RBMS3: variants seen among roughly 807,000 people sequenced by gnomAD.
RBMS3 encodes the protein RNA-binding motif, single-stranded-interacting protein 3.
A neutral mutation model predicts 66.8 loss-of-function variants in RBMS3; 27 were observed. The ratio of observed to expected loss-of-function variants is 0.40; its 90% confidence interval spans 0.30 to 0.56. The LOEUF (loss-of-function observed/expected upper bound fraction) is 0.56, where lower values mean the gene tolerates loss of function less well. RBMS3 is among the 20% of genes least tolerant of loss of function. RBMS3 has a pLI of 0.40. For synonymous variants in RBMS3, 188 were observed against 183.0 expected (o/e 1.03, Z -0.22); for missense variants, 513 against 549.5 (o/e 0.93, Z 0.66).
intron 6 of RBMS3, among the ~76,000 whole-genome samples, chr3:29,763,797 A>C (rs1425106397): frequency 6.6e-6 from 1 of 152,074 alleles, no homozygotes; most frequent in African/African-American, 2.4e-5. Flanking sequence ...AAAATTAACA[A>C]TGGAATGAAG....
chr3:29,542,379 GAGAA>G (rs2045797371), intron 3 of RBMS3, among the ~76,000 whole-genome samples: 1 of 151,346 alleles, frequency 6.6e-6, no homozygotes, highest in African/African-American at 2.4e-5. Context: ...TTGTTTGTTT[GAGAA>G]AGAGTCTCAC....
At chr3:29,702,326 T>C (rs561053515) in intron 4 of RBMS3, among the ~76,000 whole-genome samples, 3 of 152,124 alleles carry the variant, frequency 2.0e-5, no homozygotes, top group Admixed American at 2.0e-4. Flanking sequence ...AGCTCAGGGA[T>C]TGTAAACACA....
chr3:29,519,617 G>T (rs1468001242), intron 3 of RBMS3, among the ~76,000 whole-genome samples: 1 of 152,096 alleles, frequency 6.6e-6, no homozygotes, highest in Non-Finnish European at 1.5e-5. Context: ...CAGTTCTTTT[G>T]CTGTTTGGTT....
chr3:29,830,100 T>A (rs2058330805), intron 6 of RBMS3, among the ~76,000 whole-genome samples: 1 of 152,124 alleles, frequency 6.6e-6, no homozygotes, highest in Non-Finnish European at 1.5e-5. Context: ...TATATACTTA[T>A]CAGCTAATTA....
rs151230204 is a variant in RBMS3 at position 29,480,161 on chromosome 3, A to G, written c.249-8280A>G. 2.2e-3 allele frequency among the ~76,000 whole-genome samples: 333 copies of G among 152,344 alleles called. 3 individuals carry two copies. The highest frequency in any genetic ancestry group is 7.8e-3 in the African/African-American group (324 of 41,578). On this transcript the variant is annotated intron_variant, in intron 2 of 14. Transcript: ENST00000383767. ...AGGAAATTTTGAGAGTGAAACACAA[A>G]GAAATGGGAATTCAAAGCATGATAA...
intron 4 of RBMS3, among the ~76,000 whole-genome samples, chr3:29,724,489 G>A (rs930684396): frequency 2.0e-5 from 3 of 152,082 alleles, no homozygotes; most frequent in African/African-American, 7.2e-5. Flanking sequence ...AATTTGCTGA[G>A]AAGTGTTAAT....
intron 3 of RBMS3, among the ~76,000 whole-genome samples, chr3:29,544,390 T>C (rs2045872360): frequency 1.2e-5 from 1 of 84,516 alleles, no homozygotes; most frequent in Non-Finnish European, 2.0e-5. Context: ...TACAAATTTG[T>C]TTTTTTTTAG....
chr3:29,911,798 C>A (rs752196290), intron 10 of RBMS3, among the ~76,000 whole-genome samples: 1 of 151,932 alleles, frequency 6.6e-6, no homozygotes, highest in Non-Finnish European at 1.5e-5. Flanking sequence ...ACATGAGTTT[C>A]TTTTTTCTAT....
In RBMS3 at chr3:29,831,805, T is replaced by G. The variant is rs188137167; in HGVS notation, c.638-37053T>G. Among the ~76,000 whole-genome samples, 45 of 152,228 alleles carry G rather than the reference T, an allele frequency of 3.0e-4. No homozygotes were observed. The East Asian group carries it at 8.1e-3, about 27-fold the overall frequency. On this transcript the variant is annotated intron_variant, in intron 6 of 14. Coordinates refer to ENST00000383767, the MANE Select transcript of RBMS3 (RefSeq NM_001003793.3). ...TTCTAAGATTTTAAGTTCTATAGGA[T>G]TTGTTAATAGTGTTAACACATTTTT...
rs75080881 is a variant in RBMS3, at chr3:29,486,325, T to C, written c.249-2116T>C. 5.9e-3 allele frequency among the ~76,000 whole-genome samples: 902 copies of C among 152,298 alleles called. 4 individuals are homozygous for C. The highest frequency in any genetic ancestry group is 0.014 in the Admixed American group (207 of 15,296). ...CAAATTAATTGTTAATGCAGAATGT[T>C]GTAACGGAGCCATGGAATGAAATTC... On this transcript the variant is annotated intron_variant, in intron 2 of 14. Transcript: ENST00000383767.
chr3:29,967,288 C>T (rs150670377), intron 12 of RBMS3, among the ~76,000 whole-genome samples: 7 of 152,194 alleles, frequency 4.6e-5, no homozygotes, highest in African/African-American at 1.7e-4. Flanking sequence ...CTTTGAATGT[C>T]TAGTAGAAAT....
intron 4 of RBMS3, among the ~76,000 whole-genome samples, chr3:29,721,771 T>C (rs1202432753): frequency 6.6e-6 from 1 of 152,190 alleles, no homozygotes; most frequent in Non-Finnish European, 1.5e-5. Context: ...AGCATGGGGA[T>C]AGTAGAAGAG....
chr3:29,949,087 A>G (rs1285035362), intron 12 of RBMS3, among the ~76,000 whole-genome samples: 2 of 151,490 alleles, frequency 1.3e-5, no homozygotes, highest in Non-Finnish European at 3.0e-5. Context: ...TAAAAATTGA[A>G]TCATTAAGAA....
At chr3:29,722,926 A>T (rs1240872254) in intron 4 of RBMS3, among the ~76,000 whole-genome samples, 1 of 151,836 alleles carries the variant, frequency 6.6e-6, no homozygotes, top group Non-Finnish European at 1.5e-5. Flanking sequence ...ATGGAGATTG[A>T]TGTACATTTC....
At chr3:29,402,710 A>G (rs1203087496) in intron 1 of RBMS3, among the ~76,000 whole-genome samples, 1 of 152,064 alleles carries the variant, frequency 6.6e-6, no homozygotes, top group Non-Finnish European at 1.5e-5. Flanking sequence ...AAAATGTAGC[A>G]TTTGATTGAT....
At chr3:29,461,920 A>ATTTTTTTTTT (rs61115023) in intron 2 of RBMS3, among the ~76,000 whole-genome samples, 7 of 93,298 alleles carry the variant, frequency 7.5e-5, no homozygotes, top group African/African-American at 2.5e-4. Flanking sequence ...TGCCCGGCTA[A>ATTTTTTTTTT]TTTTTTTTTT....
intron 1 of RBMS3, chr3:29,290,731 C>T (rs138913986): frequency 6.6e-6 from 1 of 151,750 alleles, no homozygotes; most frequent in Non-Finnish European, 1.5e-5. Flanking sequence ...CTTTCTGACT[C>T]GTGTTTAACT....
chr3:29,284,346 C>T (rs890822461), intron 1 of RBMS3, among the ~76,000 whole-genome samples: 5 of 151,978 alleles, frequency 3.3e-5, no homozygotes, highest in Non-Finnish European at 7.4e-5. Context: ...TCCACAAGGG[C>T]TATTTACTAT....
At chr3:29,994,463 C>T (rs1699086633) in intron 14 of RBMS3, among the ~76,000 whole-genome samples, 3 of 152,240 alleles carry the variant, frequency 2.0e-5, no homozygotes, top group Non-Finnish European at 2.9e-5. Flanking sequence ...CTGTAGGCTC[C>T]ACCTCTGGGG....
Sources: gnomAD v4.1 joint callset for allele counts (sites outside exome capture counted in the v4.1 genomes callset) on GRCh38, gnomAD v4.1.1 for gene constraint, MANE v1.5 for transcripts, NCBI Gene and HGNC (gene_info 2026-07-23, HGNC 2026-07-21) for gene names.